Variants in MKX observed in about 807,000 individuals in gnomAD.
The protein encoded by MKX is homeobox protein Mohawk.
In MKX, 13 loss-of-function variants were observed where a neutral mutation model predicts 36.0. The ratio of observed to expected loss-of-function variants is 0.36; its 90% CI spans 0.24 to 0.57. The LOEUF is 0.57. Ranked by LOEUF, MKX falls within the 20% of genes least tolerant of loss-of-function variation. The probability of loss-of-function intolerance (pLI) is 0.79; values close to 1 mark genes in which losing one functional copy is unlikely to be tolerated. For missense variants in MKX, 458 were observed against 456.4 expected (o/e 1.00, Z -0.03); for synonymous variants, 176 against 178.3 (o/e 0.99, Z 0.10).
intron 5 of MKX, among the ~76,000 whole-genome samples, chr10:27,693,130 A>T (rs1671560296): frequency 6.6e-6 from 1 of 152,152 alleles, no homozygotes; most frequent in African/African-American, 2.4e-5. Context: ...GGCCATCTGA[A>T]AGCCACCTAT....
chr10:27,743,231 G>A lies in MKX; in HGVS notation c.185C>T (p.Thr62Ile), dbSNP rs147003661. The change falls in exon 2 of 7, where the codon ACC becomes ATC. Residue 62 changes from threonine (T) to isoleucine (I), a missense_variant. Physicochemically the swap from Thr to Ile is moderately conservative, Grantham distance 89. Transcript: ENST00000419761. ...KDNLGLRHRR[T>I]GARQNGGKVR... ...GCCCCCAGGGGAGTGCGCATACCCG[G>A]TCCTCCGGTGTCTCAGGCCGAGGTT... is the stretch of plus-strand genomic sequence containing the variant. The A allele has an allele frequency of 1.3e-6, 2 of 1,507,126 alleles. No homozygotes were observed. The highest frequency in any genetic ancestry group is 1.8e-6 in the Non-Finnish European group (2 of 1,134,718). 93.4% of individuals were successfully genotyped at this position (1,507,126 alleles called of 1,614,324 possible).
intron 5 of MKX, among the ~76,000 whole-genome samples, chr10:27,708,628 C>G (rs185506803): frequency 4.0e-3 from 607 of 151,630 alleles, no homozygotes; most frequent in Non-Finnish European, 7.3e-3. Context: ...ACTTGGGAGG[C>G]TGAGGCAAGA....
chr10:27,712,821 T>A (rs1339767646), intron 5 of MKX, among the ~76,000 whole-genome samples: 1 of 152,106 alleles, frequency 6.6e-6, no homozygotes, highest in Admixed American at 6.5e-5. Flanking sequence ...CCTGTGGTCC[T>A]AGCTACTAGA....
intron 5 of MKX, among the ~76,000 whole-genome samples, chr10:27,699,276 G>A (rs568373930): frequency 1.9e-4 from 29 of 152,246 alleles, no homozygotes; most frequent in African/African-American, 6.5e-4. Flanking sequence ...TTTAATAGGA[G>A]TTTTATTTTA....
intron 3 of MKX, among the ~76,000 whole-genome samples, chr10:27,736,979 C>T (rs888704087): frequency 1.3e-5 from 2 of 152,144 alleles, no homozygotes; most frequent in Non-Finnish European, 2.9e-5. Flanking sequence ...CCTTCCCATT[C>T]TCTACAGACA....
In MKX at chr10:27,735,334, T is replaced by C. The variant is rs1220253015; in HGVS notation, c.389A>G (p.Asn130Ser). ...GCTTAAATCTGGCTGTCGAACGGTA[T>C]TCTTAAGCCGACGTCTTGCATTAGC... is the stretch of plus-strand genomic sequence containing the variant. Reference protein sequence around the residue: ...WFANARRRLKNTVRQPDLSWA... With the variant: ...WFANARRRLKSTVRQPDLSWA... Residue 130 changes from asparagine to serine, a missense_variant, in exon 4 of 7, where the codon AAT (asparagine) becomes AGT (serine). Transcript: ENST00000419761. 6.2e-7 allele frequency: 1 copy of C among 1,613,670 alleles called. No individual in the cohort carries two copies. Among genetic ancestry groups the C allele is most frequent in the Non-Finnish European group, 8.5e-7 (1 of 1,179,910 alleles).
intron 5 of MKX, among the ~76,000 whole-genome samples, chr10:27,725,222 A>G (rs1235252300): frequency 6.6e-6 from 1 of 152,186 alleles, no homozygotes; most frequent in African/African-American, 2.4e-5. Context: ...GATCCTTTAA[A>G]AGCTGATTGC....
chr10:27,692,204 A>G (rs1836466732), intron 5 of MKX, among the ~76,000 whole-genome samples: 1 of 152,214 alleles, frequency 6.6e-6, no homozygotes, highest in Admixed American at 6.5e-5. Context: ...AGCTTCAAAA[A>G]TACTATTTAT....
chr10:27,692,687 G>A (rs935869206), intron 5 of MKX, among the ~76,000 whole-genome samples: 2 of 152,154 alleles, frequency 1.3e-5, no homozygotes, highest in African/African-American at 4.8e-5. Context: ...TTCTAGGGTA[G>A]GATAATAAGC....
intron 5 of MKX, among the ~76,000 whole-genome samples, chr10:27,717,188 A>G (rs1055670592): frequency 2.0e-5 from 3 of 152,152 alleles, no homozygotes; most frequent in Non-Finnish European, 4.4e-5. Context: ...GTTCTCTCTT[A>G]GAGCCCAGAA....
At chr10:27,681,687 G>A (rs572591857) in intron 5 of MKX, among the ~76,000 whole-genome samples, 58 of 152,216 alleles carry the variant, frequency 3.8e-4, no homozygotes, top group Non-Finnish European at 6.3e-4. Flanking sequence ...TTGGGAGGCC[G>A]AGGTGGGGAA....
intron 5 of MKX, among the ~76,000 whole-genome samples, chr10:27,731,968 T>C (rs1834639176): frequency 7.3e-6 from 1 of 137,020 alleles, no homozygotes; most frequent in Non-Finnish European, 1.6e-5. Context: ...TTACTCTGTC[T>C]CATTAAAATT....
At chr10:27,711,496 TTCTTTCCTTCCTTCCTTC>T (rs757682226) in intron 5 of MKX, among the ~76,000 whole-genome samples, 5 of 89,658 alleles carry the variant, frequency 5.6e-5, no homozygotes, top group African/African-American at 1.8e-4. Flanking sequence ...TCTCTCTCTC[TTCTTTCCTTCCTTCCTTC>T]CTTCCTTCCT....
intron 5 of MKX, among the ~76,000 whole-genome samples, chr10:27,682,610 G>A (rs924322436): frequency 1.9e-4 from 29 of 152,112 alleles, no homozygotes; most frequent in African/African-American, 6.5e-4. Context: ...ATTTTCCCAC[G>A]GACCAGGGAT....
rs1835004256 is a variant in MKX at position 27,744,559 on chromosome 10, C to T, written c.-82-1062G>A. Among the ~76,000 whole-genome samples, 2 of 152,062 alleles carry T rather than the reference C, an allele frequency of 1.3e-5. No individual in the cohort carries two copies. The highest frequency in any genetic ancestry group is 4.1e-4 in the South Asian group (2 of 4,830). On this transcript the variant is annotated intron_variant, in intron 1 of 6. Coordinates refer to ENST00000419761, the MANE Select transcript of MKX (RefSeq NM_173576.3). This position sits in a 1 kb window ranked among gnomAD's most constrained non-coding sequence, Gnocchi z 5.6. ...GAGCCGCAGAGTTACAGCCCCAAGG[C>T]GCGCGGCGGACTTCGCCCGCCCCAT...
At chr10:27,719,981 A>AG (rs1834339909) in intron 5 of MKX, among the ~76,000 whole-genome samples, 1 of 148,720 alleles carries the variant, frequency 6.7e-6, no homozygotes, top group Admixed American at 6.7e-5. Context: ...AGAGTCTCAA[A>AG]AAAAAAAAAA....
At chr10:27,706,912 C>T (rs1310162700) in intron 5 of MKX, among the ~76,000 whole-genome samples, 1 of 152,144 alleles carries the variant, frequency 6.6e-6, no homozygotes, top group Non-Finnish European at 1.5e-5. Context: ...CTCTCTGTCC[C>T]GTGCTGTATG....
At chr10:27,708,888 G>C (rs1836804687) in intron 5 of MKX, among the ~76,000 whole-genome samples, 1 of 152,184 alleles carries the variant, frequency 6.6e-6, no homozygotes, top group African/African-American at 2.4e-5. Context: ...AGCAATACCG[G>C]TTGGGTGCAG....
intron 5 of MKX, among the ~76,000 whole-genome samples, chr10:27,704,955 C>A (rs1346985839): frequency 1.3e-5 from 2 of 152,024 alleles, no homozygotes; most frequent in Non-Finnish European, 2.9e-5. Context: ...ATATTACAGG[C>A]TCATCTCCCT....
Sources: gnomAD v4.1 joint callset for allele counts (sites outside exome capture counted in the v4.1 genomes callset) on GRCh38, gnomAD v4.1.1 for gene constraint, Gnocchi (gnomAD v3.1) non-coding constraint, MANE v1.5 for transcripts, NCBI Gene and HGNC (gene_info 2026-07-23, HGNC 2026-07-21) for gene names.